The following SLC10A7 variants were observed in gnomAD, a reference collection of about 807,000 sequenced individuals.
SLC10A7 encodes the protein solute carrier family 10 member 7, also known as sodium/bile acid cotransporter 7.
In SLC10A7, 29 loss-of-function variants were observed where a neutral mutation model predicts 43.2. The ratio of observed to expected loss-of-function variants is 0.67; its 90% CI spans 0.50 to 0.92. The LOEUF (loss-of-function observed/expected upper bound fraction) is 0.92. Among genes scored for constraint, SLC10A7 ranks in the 40% least tolerant of loss-of-function variants. The pLI is 0.00. For synonymous variants in SLC10A7, 152 were observed against 144.8 expected (o/e 1.05, Z -0.35); for missense variants, 295 against 403.2 (o/e 0.73, Z 2.30).
chr4:146,511,155 AG>A (rs1737427895), intron 2 of SLC10A7, among the ~76,000 whole-genome samples: 1 of 152,118 alleles, frequency 6.6e-6, no homozygotes, highest in Admixed American at 6.5e-5. Flanking sequence ...CTGCCCCAAG[AG>A]GGGAAAAAAA....
intron 5 of SLC10A7, among the ~76,000 whole-genome samples, chr4:146,361,161 T>G (rs533500790): frequency 2.6e-5 from 4 of 152,298 alleles, no homozygotes; most frequent in African/African-American, 9.6e-5. Flanking sequence ...CTCCACTAGA[T>G]GAAAACTCTG....
chr4:146,519,898 A>T (rs921640258), intron 1 of SLC10A7, among the ~76,000 whole-genome samples: 1 of 152,192 alleles, frequency 6.6e-6, no homozygotes, highest in Non-Finnish European at 1.5e-5. Context: ...TACATTAAAG[A>T]CAGAAGGACT....
intron 5 of SLC10A7, among the ~76,000 whole-genome samples, chr4:146,331,224 C>T (rs1578902779): frequency 6.6e-6 from 1 of 152,122 alleles, no homozygotes; most frequent in South Asian, 2.1e-4. Flanking sequence ...TAACAATTGA[C>T]CAAAACTTGG....
chr4:146,319,241 C>T (rs1487989642), intron 6 of SLC10A7, among the ~76,000 whole-genome samples: 2 of 152,180 alleles, frequency 1.3e-5, no homozygotes, highest in South Asian at 4.2e-4. Context: ...ATTCCAGTCA[C>T]ACTGGCCACC....
At chr4:146,344,373 C>A (rs1359887034) in intron 5 of SLC10A7, among the ~76,000 whole-genome samples, 1 of 152,050 alleles carries the variant, frequency 6.6e-6, no homozygotes, top group African/African-American at 2.4e-5. Flanking sequence ...CAAACAGATA[C>A]ACGGAAGAAG....
intron 4 of SLC10A7, among the ~76,000 whole-genome samples, chr4:146,487,627 G>A (rs1260156008): frequency 4.6e-5 from 7 of 152,168 alleles, no homozygotes; most frequent in Non-Finnish European, 1.0e-4. Flanking sequence ...AGGATTCCAT[G>A]ACTTCCCACC....
intron 5 of SLC10A7, among the ~76,000 whole-genome samples, chr4:146,395,347 G>A (rs1738745626): frequency 6.6e-6 from 1 of 152,170 alleles, no homozygotes; most frequent in African/African-American, 2.4e-5. Context: ...CCGTGATCAT[G>A]CCACTGCACT....
chr4:146,466,749 T>TACA (rs1434758680), intron 4 of SLC10A7, among the ~76,000 whole-genome samples: 1 of 152,180 alleles, frequency 6.6e-6, no homozygotes, highest in Non-Finnish European at 1.5e-5. Flanking sequence ...ATTTTATAGA[T>TACA]ACAAAAGATA....
intron 5 of SLC10A7, among the ~76,000 whole-genome samples, chr4:146,387,703 C>G (rs977113051): frequency 6.6e-6 from 1 of 152,110 alleles, no homozygotes; most frequent in African/African-American, 2.4e-5. Flanking sequence ...ACAAAGGACC[C>G]CTAGCTTTGA....
intron 10 of SLC10A7, among the ~76,000 whole-genome samples, chr4:146,274,489 C>T (rs1406556472): frequency 6.6e-6 from 1 of 152,132 alleles, no homozygotes; most frequent in Non-Finnish European, 1.5e-5. Context: ...CAGGCATGAG[C>T]CACCGTGCCT....
chr4:146,342,629 TA>T (rs1235734923), intron 5 of SLC10A7, among the ~76,000 whole-genome samples: 2 of 151,738 alleles, frequency 1.3e-5, no homozygotes, highest in Non-Finnish European at 2.9e-5. Flanking sequence ...GAGTTTCACT[TA>T]AATTTTTCAA....
At position 146,258,770 on chromosome 4, in the gene SLC10A7, G is replaced by C; in HGVS notation, c.915C>G (p.Leu305=). ...EHLSLISVPL[L]IYHPAQILLG... ...GAAGGATCTGAGCTGGGTGGTAGAT[G>C]AGCAAGGGTACAGATATTAAAGAGA... The change falls in exon 11 of 12, where the codon CTC becomes CTG. Residue 305 remains leucine, a synonymous_variant. Coordinates refer to ENST00000335472, the MANE Select transcript of SLC10A7 (RefSeq NM_001029998.6). The C allele has an allele frequency of 6.2e-7, 1 of 1,611,056 alleles. No individual in the cohort carries two copies. Among genetic ancestry groups the C allele is most frequent in the Non-Finnish European group, 8.5e-7 (1 of 1,179,380 alleles).
In SLC10A7 at chr4:146,444,998, A is replaced by G. The variant is rs74327678; in HGVS notation, c.397-2177T>C. 7.3e-3 allele frequency among the ~76,000 whole-genome samples: 1,108 copies of G among 152,240 alleles called. 22 individuals carry two copies. The highest frequency in any genetic ancestry group is 0.025 in the African/African-American group (1,036 of 41,528). ...TTTAGAGTATTTTATTGATATATAAAAGACATGCATGTATCTTGACTTAGG... is the reference window on the plus strand; with the variant it reads ...TTTAGAGTATTTTATTGATATATAAGAGACATGCATGTATCTTGACTTAGG... On this transcript the variant is annotated intron_variant, in intron 4 of 11. Transcript: ENST00000335472.
intron 4 of SLC10A7, among the ~76,000 whole-genome samples, chr4:146,450,241 A>C (rs1731464170): frequency 6.6e-6 from 1 of 152,172 alleles, no homozygotes; most frequent in Non-Finnish European, 1.5e-5. Flanking sequence ...ATGTGTACAT[A>C]CTTTTTTTCT....
rs185777236 is a variant in SLC10A7, at chr4:146,336,025, A to G, written c.436-10029T>C. Among the ~76,000 whole-genome samples, 51 of 152,218 alleles carry G rather than the reference A, an allele frequency of 3.4e-4. 1 individual carries two copies. Among genetic ancestry groups the G allele is most frequent in the Admixed American group, 2.9e-3 (44 of 15,274 alleles). ...ATGTCATAATCTGCATCTTAGCAAG[A>G]TCCCCAGGTAATTTGTAGGCATATT... On this transcript the variant is annotated intron_variant, in intron 5 of 11. Transcript: ENST00000335472.
At chr4:146,325,571 A>G (rs184441014) in intron 6 of SLC10A7, among the ~76,000 whole-genome samples, 1 of 152,218 alleles carries the variant, frequency 6.6e-6, no homozygotes, top group African/African-American at 2.4e-5. Context: ...CAGCCTTGGA[A>G]CCCAAGCTTC....
intron 5 of SLC10A7, among the ~76,000 whole-genome samples, chr4:146,439,244 T>C (rs1016886061): frequency 3.9e-5 from 6 of 152,182 alleles, no homozygotes; most frequent in Non-Finnish European, 7.4e-5. Context: ...CAGCGTTCTA[T>C]AATAATTAGT....
At chr4:146,447,844 T>G (rs923825264) in intron 4 of SLC10A7, among the ~76,000 whole-genome samples, 4 of 152,044 alleles carry the variant, frequency 2.6e-5, no homozygotes, top group Admixed American at 2.0e-4. Context: ...TAAATTATTT[T>G]GGAAAACTGA....
intron 9 of SLC10A7, 26 bp from the exon 10 acceptor site, chr4:146,283,291 AATACTTTT>A: frequency 6.3e-7 from 1 of 1,599,264 alleles, no homozygotes; most frequent in Non-Finnish European, 8.6e-7. Flanking sequence ...GATTTTGACA[AATACTTTT>A]ATAAAAAGCC....
Sources: gnomAD v4.1 joint callset for allele counts (sites outside exome capture counted in the v4.1 genomes callset) on GRCh38, gnomAD v4.1.1 for gene constraint, MANE v1.5 for transcripts, NCBI Gene and HGNC (gene_info 2026-07-23, HGNC 2026-07-21) for gene names.